Variants in FSTL4 observed in about 807,000 individuals in gnomAD.
The protein encoded by FSTL4 is follistatin-related protein 4.
FSTL4 carries 28 observed loss-of-function variants against 78.2 expected under a neutral mutation model. The observed-to-expected ratio is 0.36, with a 90% CI of 0.27 to 0.49. FSTL4 has a LOEUF of 0.49. Among genes scored for constraint, FSTL4 ranks in the 20% least tolerant of loss-of-function variants. The pLI is 0.98. For missense variants in FSTL4, 922 were observed against 1,084.9 expected (o/e 0.85, Z 2.11); for synonymous variants, 422 against 440.5 (o/e 0.96, Z 0.53).
chr5:133,307,554 T>A (rs1470983983), intron 6 of FSTL4, among the ~76,000 whole-genome samples: 1 of 152,160 alleles, frequency 6.6e-6, no homozygotes, highest in Non-Finnish European at 1.5e-5. Flanking sequence ...GGTATCACTT[T>A]ATACAACTGG....
the FSTL4 span, among the ~76,000 whole-genome samples, chr5:133,626,115 CAT>C: frequency 7.1e-4 from 6 of 8,432 alleles, no homozygotes; most frequent in Non-Finnish European, 1.2e-3. Context: ...ATATATATTC[CAT>C]ATATATATAT....
At chr5:133,776,010 A>G in the FSTL4 span, among the ~76,000 whole-genome samples, 1 of 152,164 alleles carries the variant, frequency 6.6e-6, no homozygotes, top group Admixed American at 6.5e-5. Context: ...TCATCCCAAT[A>G]AGACCCAGTA....
intron 3 of FSTL4, among the ~76,000 whole-genome samples, chr5:133,537,274 T>C (rs1759368935): frequency 1.3e-5 from 2 of 152,194 alleles, no homozygotes; most frequent in Admixed American, 1.3e-4. Flanking sequence ...ATTAATTAAT[T>C]AGCCCCTTCA....
At chr5:133,473,276 A>C (rs1217498877) in intron 3 of FSTL4, among the ~76,000 whole-genome samples, 2 of 152,228 alleles carry the variant, frequency 1.3e-5, no homozygotes, top group Non-Finnish European at 2.9e-5. Context: ...GACACGTCAA[A>C]GCATGTCAGC....
chr5:133,638,429 G>T, the FSTL4 span, among the ~76,000 whole-genome samples: 644 of 152,226 alleles, frequency 4.2e-3, 3 homozygotes, highest in Non-Finnish European at 6.8e-3. Context: ...ATGCAACGAG[G>T]CCCCTGTCAT....
the FSTL4 span, among the ~76,000 whole-genome samples, chr5:133,705,976 T>C: frequency 6.6e-5 from 10 of 152,220 alleles, no homozygotes; most frequent in African/African-American, 2.4e-4. Flanking sequence ...CTTTCTCCTC[T>C]GTGTTTGACC....
the FSTL4 span, among the ~76,000 whole-genome samples, chr5:133,804,929 T>A: frequency 2.8e-5 from 3 of 107,776 alleles, no homozygotes; most frequent in Non-Finnish European, 5.2e-5. Flanking sequence ...GGCGACAGAG[T>A]GAGACTCCGT....
At chr5:133,275,419 G>A (rs1752858489) in intron 6 of FSTL4, among the ~76,000 whole-genome samples, 2 of 152,116 alleles carry the variant, frequency 1.3e-5, no homozygotes, top group African/African-American at 2.4e-5. Context: ...AATTAGCCAG[G>A]CGTGGTGGCG....
chr5:133,415,427 G>C (rs1756558299), intron 3 of FSTL4, among the ~76,000 whole-genome samples: 1 of 152,146 alleles, frequency 6.6e-6, no homozygotes, highest in African/African-American at 2.4e-5. Flanking sequence ...CTTCTGAGCA[G>C]GTCACATTAA....
the FSTL4 span, among the ~76,000 whole-genome samples, chr5:133,738,734 C>T: frequency 2.1e-4 from 32 of 152,188 alleles, no homozygotes; most frequent in African/African-American, 5.8e-4. Flanking sequence ...TGAGAGATGA[C>T]GGGAGCAAGT....
intron 4 of FSTL4, among the ~76,000 whole-genome samples, chr5:133,381,121 T>C (rs151084842): frequency 1.1e-4 from 16 of 152,254 alleles, no homozygotes; most frequent in Non-Finnish European, 2.1e-4. Context: ...TATGGTGATA[T>C]CTAGAAAGGA....
In FSTL4 at chr5:133,517,754, T is replaced by C. The variant is rs558613116; in HGVS notation, c.160+49432A>G. Among the ~76,000 whole-genome samples, 60 of 147,888 alleles carry C rather than the reference T, an allele frequency of 4.1e-4. 1 individual carries two copies. In the South Asian group the frequency reaches 0.013, roughly 31 times the overall value. On this transcript the variant is annotated intron_variant, in intron 3 of 15. Coordinates refer to ENST00000265342, the MANE Select transcript of FSTL4 (RefSeq NM_015082.2). ...GGCAGGCTAAAGTCCCAGAAAAGAGTTGATGTTACCACTCAAGTCCAAAAT... is the reference window on the plus strand; with the variant it reads ...GGCAGGCTAAAGTCCCAGAAAAGAGCTGATGTTACCACTCAAGTCCAAAAT...
chr5:133,199,039 G>T lies in FSTL4; in HGVS notation c.*56C>A. The T allele has an allele frequency of 9.1e-7, 1 of 1,095,732 alleles. No homozygotes were observed. The highest frequency in any genetic ancestry group is 1.3e-6 in the Non-Finnish European group (1 of 765,054). The allele number at this position is 1,095,732 out of a possible 1,614,324, so 67.9% of individuals were successfully genotyped here. A position where few individuals can be genotyped will look rare whatever the true frequency, so the allele number is the denominator to read the frequency against. On this transcript the variant is annotated 3_prime_UTR_variant, in exon 16 of 16. Transcript: ENST00000265342. The surrounding 1 kb of genome is among the most constrained non-coding windows in gnomAD (Gnocchi z 4.4). ...AAAATGTACAGCGTACCTGCTTGAGGCTGCAGTGTCAGGACTAGGGGGTGT... is the reference window on the plus strand; with the variant it reads ...AAAATGTACAGCGTACCTGCTTGAGTCTGCAGTGTCAGGACTAGGGGGTGT...
At chr5:133,267,998 A>G (rs1752683016) in intron 6 of FSTL4, among the ~76,000 whole-genome samples, 2 of 152,200 alleles carry the variant, frequency 1.3e-5, no homozygotes, top group African/African-American at 4.8e-5. Flanking sequence ...AGCATTAGCC[A>G]TTTAACTGAA....
At chr5:133,774,972 T>C in the FSTL4 span, among the ~76,000 whole-genome samples, 1 of 142,054 alleles carries the variant, frequency 7.0e-6, no homozygotes, top group Non-Finnish European at 1.5e-5. Flanking sequence ...GTATATTTCT[T>C]CTAAAATGAC....
the FSTL4 span, among the ~76,000 whole-genome samples, chr5:133,635,512 C>T: frequency 6.6e-6 from 1 of 152,050 alleles, no homozygotes; most frequent in South Asian, 2.1e-4. Context: ...GCCAGTAATC[C>T]CAGCACGTTG....
chr5:133,257,852 TACC>T (rs1752420491), intron 6 of FSTL4, among the ~76,000 whole-genome samples: 2 of 152,246 alleles, frequency 1.3e-5, no homozygotes, highest in Admixed American at 1.3e-4. Context: ...ATGATGGGCA[TACC>T]TCTGCTCAAG....
intron 3 of FSTL4, among the ~76,000 whole-genome samples, chr5:133,408,752 C>T (rs1756422685): frequency 6.6e-6 from 1 of 152,174 alleles, no homozygotes; most frequent in Non-Finnish European, 1.5e-5. Context: ...CCTTCTTTTC[C>T]CTATTTAAAA....
chr5:133,279,342 A>T (rs1466611004), intron 6 of FSTL4, among the ~76,000 whole-genome samples: 2 of 152,208 alleles, frequency 1.3e-5, no homozygotes, highest in Non-Finnish European at 2.9e-5. Context: ...TCCTTATGAG[A>T]ATCTAATGCC....
Sources: allele counts gnomAD v4.1 joint callset (sites outside exome capture counted in the v4.1 genomes callset), GRCh38; gene constraint gnomAD v4.1.1; non-coding constraint Gnocchi (gnomAD v3.1); transcripts MANE v1.5; gene names NCBI Gene and HGNC (gene_info 2026-07-23, HGNC 2026-07-21).